RAB27A: variants seen among roughly 807,000 people sequenced by gnomAD.
RAB27A encodes the protein RAB27A, member RAS oncogene family.
Under a neutral mutation model 20.8 loss-of-function variants are expected in RAB27A, and 17 were observed. The observed-to-expected ratio is 0.82, with a 90% CI of 0.56 to 1.23. RAB27A has a LOEUF of 1.23. Among genes scored for constraint, RAB27A ranks in the 50% most tolerant of loss-of-function variants. The pLI, the probability that RAB27A is intolerant of heterozygous loss-of-function variation, is 0.00. For missense variants in RAB27A, 277 were observed against 266.7 expected (o/e 1.04, Z -0.27); for synonymous variants, 85 against 92.8 (o/e 0.92, Z 0.48).
chr15:55,276,687 A>G (rs1897883155), intron 1 of RAB27A, among the ~76,000 whole-genome samples: 1 of 152,236 alleles, frequency 6.6e-6, no homozygotes, highest in African/African-American at 2.4e-5. Context: ...GTTAAAGAGA[A>G]CAAGTTTCAG....
chr15:55,309,439 A>G (rs1300383835), intron 2 of RAB27A, among the ~76,000 whole-genome samples: 1 of 152,210 alleles, frequency 6.6e-6, no homozygotes, highest in Non-Finnish European at 1.5e-5. Context: ...AGGTTTCTGA[A>G]TGGGCAGCTA....
In RAB27A at chr15:55,228,618, T is replaced by C. The variant is rs776700493; in HGVS notation, c.334A>G (p.Asn112Asp). The change falls in exon 5 of 7, where the codon AAC (asparagine) becomes GAC (aspartate). Residue 112 changes from asparagine to aspartate, a missense_variant. By Grantham distance (23) the Asn-to-Asp change is conservative. Coordinates refer to ENST00000336787, the MANE Select transcript of RAB27A (RefSeq NM_183235.3). ...GAACAATAACACTTACTTATCCAGT[T>C]TCTGACATTGAGGAAACTTTGCTCA... ...TNEQSFLNVR[N>D]WISQLQMHAY... 3.8e-6 allele frequency: 6 copies of C among 1,598,748 alleles called. No individual in the cohort carries two copies. Among genetic ancestry groups the C allele is most frequent in the Non-Finnish European group, 5.1e-6 (6 of 1,165,984 alleles).
intron 1 of RAB27A, among the ~76,000 whole-genome samples, chr15:55,288,134 A>G (rs1257727225): frequency 6.6e-6 from 1 of 152,238 alleles, no homozygotes; most frequent in Non-Finnish European, 1.5e-5. Context: ...GCTAAAAACT[A>G]TAAAACTTTT....
Position 55,211,736 on chromosome 15 carries a change from T to C in RAB27A, c.468-6031A>G, listed in dbSNP as rs141450785. Among the ~76,000 whole-genome samples, 1,140 of 152,328 alleles carry C rather than the reference T, an allele frequency of 7.5e-3. 12 individuals carry two copies. Among genetic ancestry groups the C allele is most frequent in the Non-Finnish European group, 0.01 (709 of 68,030 alleles). On this transcript the variant is annotated intron_variant, in intron 6 of 6. Coordinates refer to ENST00000336787, the MANE Select transcript of RAB27A (RefSeq NM_183235.3). ...AAAAGTTAAGCGGTCTGATCAATGT[T>C]ATTCAGCTAATAAATGACAGAGAAG...
At chr15:55,285,311 CAAAA>C (rs34110185) in intron 1 of RAB27A, among the ~76,000 whole-genome samples, 1 of 95,946 alleles carries the variant, frequency 1.0e-5, no homozygotes. Flanking sequence ...AACAAACAAC[CAAAA>C]AAAAAAAAAA....
chr15:55,225,386 C>G (rs1895757345), intron 5 of RAB27A, among the ~76,000 whole-genome samples: 3 of 152,160 alleles, frequency 2.0e-5, no homozygotes, highest in African/African-American at 7.2e-5. Context: ...TTACTTTATA[C>G]AGTCAAGGTA....
At chr15:55,217,663 CAAAAA>C (rs199813098) in intron 6 of RAB27A, among the ~76,000 whole-genome samples, 10 of 43,546 alleles carry the variant, frequency 2.3e-4, no homozygotes, top group African/African-American at 8.8e-4. Context: ...CACTCCATCT[CAAAAA>C]AAAAAAAAAA....
chr15:55,259,412 A>AG (rs60835674), intron 2 of RAB27A, among the ~76,000 whole-genome samples: 2,106 of 151,900 alleles, frequency 0.014, 53 homozygotes, highest in African/African-American at 0.049. Flanking sequence ...CAGCCTCCCA[A>AG]TAACTGGGAC....
intron 6 of RAB27A, among the ~76,000 whole-genome samples, chr15:55,221,148 C>G (rs930216791): frequency 3.9e-5 from 6 of 152,058 alleles, no homozygotes; most frequent in African/African-American, 1.4e-4. Context: ...ATCCTAAGAC[C>G]GAGGGCACAG....
In RAB27A at chr15:55,238,918, G is replaced by C. The variant is rs562452029; in HGVS notation, c.-22-3962C>G. On this transcript the variant is annotated intron_variant, in intron 2 of 6. Coordinates refer to ENST00000336787, the MANE Select transcript of RAB27A (RefSeq NM_183235.3). ...AGTTCATAGTTGTTCAAAAGAATCT[G>C]GTTCATATTATTTTACGGTGAGTTA... 3.9e-5 allele frequency among the ~76,000 whole-genome samples: 6 copies of C among 152,198 alleles called. No homozygotes were observed. The South Asian group carries it at 1.2e-3, about 32-fold the overall frequency.
chr15:55,318,271 G>C (rs2055075804), intron 1 of RAB27A, among the ~76,000 whole-genome samples: 1 of 149,656 alleles, frequency 6.7e-6, no homozygotes, highest in Non-Finnish European at 1.5e-5. Context: ...CTAATTTTTT[G>C]TATTTTTTGT....
intron 6 of RAB27A, among the ~76,000 whole-genome samples, chr15:55,217,803 G>T (rs768027505): frequency 6.7e-6 from 1 of 150,306 alleles, no homozygotes; most frequent in Non-Finnish European, 1.5e-5. Context: ...TATTGCCAAA[G>T]ACGAAAAAAT....
At chr15:55,214,532 C>A (rs1264400960) in intron 6 of RAB27A, among the ~76,000 whole-genome samples, 1 of 152,236 alleles carries the variant, frequency 6.6e-6, no homozygotes, top group East Asian at 1.9e-4. Context: ...CAGAGTTGCT[C>A]CCCTAACTCC....
At chr15:55,218,693 G>A (rs1263130558) in intron 6 of RAB27A, among the ~76,000 whole-genome samples, 3 of 151,052 alleles carry the variant, frequency 2.0e-5, no homozygotes, top group Non-Finnish European at 4.4e-5. Flanking sequence ...CCATTTCTTT[G>A]CACAGTACAC....
intron 1 of RAB27A, among the ~76,000 whole-genome samples, chr15:55,286,343 G>A (rs1055433654): frequency 6.6e-6 from 1 of 152,138 alleles, no homozygotes; most frequent in Admixed American, 6.5e-5. Flanking sequence ...GGCCATCCTG[G>A]AGCTTGTCTT....
At position 55,214,263 on chromosome 15, in the gene RAB27A, C is replaced by T. The variant is rs577833547; in HGVS notation, c.468-8558G>A. Among the ~76,000 whole-genome samples, 747 of 152,248 alleles carry T rather than the reference C, an allele frequency of 4.9e-3. 3 individuals are homozygous for T. The highest frequency in any genetic ancestry group is 0.017 in the African/African-American group (691 of 41,556). The stretch of plus-strand genomic sequence containing the variant: ...CATCCTGGCTAACATGGTGAAACCC[C>T]GTCTCTACTAAAAATACAAAAAATT... On this transcript the variant is annotated intron_variant, in intron 6 of 6. Coordinates refer to ENST00000336787, the MANE Select transcript of RAB27A (RefSeq NM_183235.3).
intron 2 of RAB27A, among the ~76,000 whole-genome samples, chr15:55,252,151 G>A (rs1021303627): frequency 5.3e-5 from 8 of 152,126 alleles, no homozygotes; most frequent in African/African-American, 1.9e-4. Context: ...GAATTCAAGA[G>A]GACATCTGGG....
intron 2 of RAB27A, among the ~76,000 whole-genome samples, chr15:55,236,993 G>T (rs756475105): frequency 6.6e-6 from 1 of 151,798 alleles, no homozygotes; most frequent in Non-Finnish European, 1.5e-5. Context: ...ACCTCTCTCC[G>T]TTTCCCCCGC....
chr15:55,251,597 C>G (rs1365801415), intron 2 of RAB27A, among the ~76,000 whole-genome samples: 1 of 152,050 alleles, frequency 6.6e-6, no homozygotes, highest in African/African-American at 2.4e-5. Flanking sequence ...GATGAACCCT[C>G]AAAAGTCAAG....
Sources: gnomAD v4.1 joint callset for allele counts (sites outside exome capture counted in the v4.1 genomes callset) on GRCh38, gnomAD v4.1.1 for gene constraint, MANE v1.5 for transcripts, NCBI Gene and HGNC (gene_info 2026-07-23, HGNC 2026-07-21) for gene names.